Variants in MGA observed in about 807,000 individuals in gnomAD.
The protein encoded by MGA is MAX gene-associated protein.
In MGA, 40 loss-of-function variants were observed where a neutral mutation model predicts 261.1. The ratio of observed to expected loss-of-function variants is 0.15; its 90% CI spans 0.12 to 0.20. The LOEUF (loss-of-function observed/expected upper bound fraction) is 0.20, where lower values mean the gene tolerates loss of function less well. MGA is among the 10% of genes least tolerant of loss of function. The probability of loss-of-function intolerance (pLI) is 1.00; values close to 1 mark genes in which losing one functional copy is unlikely to be tolerated. For synonymous variants in MGA, 1,302 were observed against 1,290.6 expected, an observed-to-expected ratio of 1.01 and a Z score of -0.19; for missense variants, 3,397 against 3,630.5, an observed-to-expected ratio of 0.94 and a Z score of 1.65.
intron 1 of MGA, among the ~76,000 whole-genome samples, chr15:41,624,615 A>G (rs1328505576): frequency 6.6e-6 from 1 of 151,590 alleles, no homozygotes; most frequent in Non-Finnish European, 1.5e-5. Context: ...GGGTGGCGTG[A>G]GCCACCGCAC....
chr15:41,682,882 G>T (rs1410725802), intron 2 of MGA, among the ~76,000 whole-genome samples: 1 of 152,146 alleles, frequency 6.6e-6, no homozygotes, highest in Non-Finnish European at 1.5e-5. Flanking sequence ...TCTTTAGAAA[G>T]TATCTGTAGA....
rs922973902 is a variant in MGA at position 41,699,268 on chromosome 15, CTT to C, written c.2188+111_2188+112del. ...CATCTCTTTTTTTCTGTTTTTTCCT[CTT>C]TCTTTCTAGCCTTGATTTCATTTCT... On this transcript the variant is annotated intron_variant, in intron 5 of 23. Transcript: ENST00000219905. 5 of 720,826 alleles carry C rather than the reference CTT, an allele frequency of 6.9e-6. No homozygotes were observed. In the Admixed American group the frequency reaches 1.8e-4, roughly 26 times the overall value. 44.7% of individuals were successfully genotyped at this position (720,826 alleles called of 1,614,324 possible). A position where few individuals can be genotyped will look rare whatever the true frequency, so the allele number is the denominator to read the frequency against.
intron 22 of MGA, among the ~76,000 whole-genome samples, chr15:41,764,629 G>C (rs925180752): frequency 6.6e-6 from 1 of 151,916 alleles, no homozygotes; most frequent in Admixed American, 6.6e-5. Context: ...GACCTCCTGG[G>C]CTTAAGCAAT....
chr15:41,707,126 A>C (rs1239045425), intron 5 of MGA, among the ~76,000 whole-genome samples: 1 of 152,214 alleles, frequency 6.6e-6, no homozygotes, highest in Non-Finnish European at 1.5e-5. Context: ...AAAGCACAAG[A>C]GATCTGAATT....
intron 18 of MGA, among the ~76,000 whole-genome samples, chr15:41,756,980 GATAT>G (rs10649888): frequency 6.7e-6 from 1 of 149,812 alleles, no homozygotes; most frequent in Non-Finnish European, 1.5e-5. Flanking sequence ...TTTTTGTTTA[GATAT>G]ATATATATAT....
In MGA at chr15:41,760,492, A is replaced by G; in HGVS notation, c.7361A>G (p.His2454Arg). The G allele has an allele frequency of 6.2e-7, 1 of 1,614,016 alleles. No individual in the cohort carries two copies. Among genetic ancestry groups the G allele is most frequent in the Non-Finnish European group, 8.5e-7 (1 of 1,179,882 alleles). Reference sequence around the variant, plus strand: ...TTAAAGATCACATTGGGATTACTTCATTCTTCCAAGGTTTCCAAAAGTCTC... The same window carrying G: ...TTAAAGATCACATTGGGATTACTTCGTTCTTCCAAGGTTTCCAAAAGTCTC... Residue 2454 changes from histidine to arginine, a missense_variant, in exon 20 of 24, where the codon CAT becomes CGT. Physicochemically the swap from His to Arg is conservative, Grantham distance 29. Around this residue, in one of 9 missense-constraint regions of MGA, gnomAD observed 50 missense variants for 121.5 expected, o/e 0.41. Coordinates refer to ENST00000219905, the MANE Select transcript of MGA (RefSeq NM_001164273.2).
chr15:41,708,866 G>A (rs2060244199), intron 7 of MGA, among the ~76,000 whole-genome samples: 1 of 152,142 alleles, frequency 6.6e-6, no homozygotes, highest in Non-Finnish European at 1.5e-5. Flanking sequence ...ACTAATCCAA[G>A]CATTTTGACT....
chr15:41,656,290 G>A (rs2057168828), upstream of MGA, among the ~76,000 whole-genome samples: 1 of 148,412 alleles, frequency 6.7e-6, no homozygotes, highest in Non-Finnish European at 1.5e-5. Flanking sequence ...GTGGGCTTGA[G>A]ATGTGGGGCA....
intron 1 of MGA, among the ~76,000 whole-genome samples, chr15:41,628,511 A>G (rs1371012710): frequency 6.6e-6 from 1 of 152,056 alleles, no homozygotes. Flanking sequence ...CCTGAATGAT[A>G]AAGAGTAAGA....
rs1475055800 is a variant in MGA, at chr15:41,714,552, G to A, written c.3430+1056G>A. ...GTTCTCTTGCTCTGTTGCCCAGGCT[G>A]GAGTGCAGTGGCATGGTCTCAGCTC... is the stretch of plus-strand genomic sequence containing the variant. On this transcript the variant is annotated intron_variant, in intron 9 of 23. Transcript: ENST00000219905. Among the ~76,000 whole-genome samples the A allele has an allele frequency of 2.6e-5, 4 of 152,190 alleles. No individual in the cohort carries two copies. In the East Asian group the frequency reaches 5.8e-4, roughly 22 times the overall value.
rs1460380389 is a variant in MGA at position 41,749,262 on chromosome 15, A to G, written c.5655A>G (p.Ser1885=). ...TGAATGTTATCACTCAGGCACCATC[A>G]TTGCTTTCCTCTGGAGCTAGTTTTG... The change falls in exon 17 of 24, where the codon TCA becomes TCG. Residue 1885 remains serine (S), a synonymous_variant. Coordinates refer to ENST00000219905, the MANE Select transcript of MGA (RefSeq NM_001164273.2). 2 of 1,613,852 alleles carry G rather than the reference A, an allele frequency of 1.2e-6. No individual in the cohort carries two copies. Among genetic ancestry groups the G allele is most frequent in the South Asian group, 1.1e-5 (1 of 91,084 alleles).
chr15:41,681,075 T>G (rs1454853189), intron 2 of MGA, among the ~76,000 whole-genome samples: 1 of 152,158 alleles, frequency 6.6e-6, no homozygotes, highest in African/African-American at 2.4e-5. Context: ...TTTTAGAAGC[T>G]TTGTACCAGG....
chr15:41,634,604 C>T (rs1002760132), intron 1 of MGA, among the ~76,000 whole-genome samples: 1 of 152,142 alleles, frequency 6.6e-6, no homozygotes, highest in Non-Finnish European at 1.5e-5. Context: ...CCTTTCCTTC[C>T]CCTTACTGAG....
Position 41,767,305 on chromosome 15 carries a change from C to T in MGA, c.*25C>T. ...AACTTACTTGTCCTTAAGCAGAAGC[C>T]AGGCTGTGAGGGGAAATAGATCTCA... On this transcript the variant is annotated 3_prime_UTR_variant, in exon 24 of 24. Coordinates refer to ENST00000219905, the MANE Select transcript of MGA (RefSeq NM_001164273.2). The T allele has an allele frequency of 1.3e-6, 2 of 1,576,124 alleles. No individual in the cohort carries two copies. Among genetic ancestry groups the T allele is most frequent in the East Asian group, 2.2e-5 (1 of 44,464 alleles).
intron 3 of MGA, among the ~76,000 whole-genome samples, chr15:41,698,091 C>T (rs756702703): frequency 3.4e-5 from 5 of 149,106 alleles, no homozygotes; most frequent in South Asian, 2.1e-4. Context: ...AGGATGGTCT[C>T]GATCTCCTGG....
chr15:41,696,956 C>T lies in MGA; in HGVS notation c.1946C>T (p.Thr649Ile). Residue 649 changes from threonine (T) to isoleucine (I), a missense_variant, in exon 3 of 24, where the codon ACC becomes ATC. Around this residue, in one of 9 missense-constraint regions of MGA, gnomAD observed 563 missense variants for 563.6 expected, o/e 1.00. Transcript: ENST00000219905. Reference sequence around the variant, plus strand: ...AATACACCTGTAAGCCCTGGGAGTACCTTTCCAGATGTGAAGCCTGATCTG... The same window carrying T: ...AATACACCTGTAAGCCCTGGGAGTATCTTTCCAGATGTGAAGCCTGATCTG... The T allele has an allele frequency of 6.2e-7, 1 of 1,603,758 alleles. No homozygotes were observed. Among genetic ancestry groups the T allele is most frequent in the Non-Finnish European group, 8.5e-7 (1 of 1,174,998 alleles).
intron 1 of MGA, among the ~76,000 whole-genome samples, chr15:41,630,269 A>G (rs2056559647): frequency 6.6e-6 from 1 of 152,014 alleles, no homozygotes; most frequent in African/African-American, 2.4e-5. Context: ...ATTTTCCCCA[A>G]TTTCGACGGA....
chr15:41,769,229 G>A lies in MGA; in HGVS notation c.*1949G>A, dbSNP rs2063940425. On this transcript the variant is annotated 3_prime_UTR_variant, in exon 24 of 24. Transcript: ENST00000219905. ...AAGACTCTCTTTGTGGCTTTTGAGG[G>A]TCAGCCAAGGAGCAGGCAAGTGAGT... is the stretch of plus-strand genomic sequence containing the variant. 6.6e-6 allele frequency: 1 copy of A among 152,024 alleles called. No homozygotes were observed. The highest frequency in any genetic ancestry group is 2.4e-5 in the African/African-American group (1 of 41,220). 9.4% of individuals were successfully genotyped at this position (152,024 alleles called of 1,614,324 possible).
Position 41,760,583 on chromosome 15 carries a change from T to C in MGA, c.7398+54T>C, listed in dbSNP as rs567664773. On this transcript the variant is annotated intron_variant, in intron 20 of 23. Transcript: ENST00000219905. ...AGCTTGACTAAGAGATTCTTACCGA[T>C]GATATGAGAAAGATAATCCACTGAC... is the stretch of plus-strand genomic sequence containing the variant. 561 of 1,552,928 alleles carry C rather than the reference T, an allele frequency of 3.6e-4. 1 individual carries two copies. Among genetic ancestry groups the C allele is most frequent in the Non-Finnish European group, 4.7e-4 (532 of 1,127,734 alleles).
Sources: gnomAD v4.1 joint callset for allele counts (sites outside exome capture counted in the v4.1 genomes callset) on GRCh38, gnomAD v4.1.1 for gene constraint, gnomAD v4.1.1 regional missense constraint, MANE v1.5 for transcripts, NCBI Gene and HGNC (gene_info 2026-07-23, HGNC 2026-07-21) for gene names.